THBD: variants seen among roughly 807,000 people sequenced by gnomAD.
THBD encodes the protein thrombomodulin.
For missense variants in THBD, 850 were observed against 816.9 expected (o/e 1.04, Z -0.49); for synonymous variants, 449 against 374.2 (o/e 1.20, Z -2.31).
At position 23,048,037 on chromosome 20, in the gene THBD, T is replaced by TGTCGCCACC; in HGVS notation, c.1459_1467dup (p.Gly487_Asp489dup). On this transcript the variant is annotated inframe_insertion, in exon 1 of 1. Transcript: ENST00000377103. Reference sequence around the variant, plus strand: ...CTGGGCGGGGGCTCGCCAGAGCCGCTGTCGCCACCGTCCACCTTGCCGGAG... The same window carrying TGTCGCCACC: ...CTGGGCGGGGGCTCGCCAGAGCCGCTGTCGCCACCGTCGCCACCGTCCACCTTGCCGGAG... 6.2e-7 allele frequency: 1 copy of TGTCGCCACC among 1,611,554 alleles called. No homozygotes were observed. Among genetic ancestry groups the TGTCGCCACC allele is most frequent in the African/African-American group, 1.3e-5 (1 of 75,026 alleles).
chr20:23,049,509 C>T lies in THBD; in HGVS notation c.-5G>A. The T allele has an allele frequency of 7.8e-6, 12 of 1,531,372 alleles. No individual in the cohort carries two copies. Among genetic ancestry groups the T allele is most frequent in the Non-Finnish European group, 9.7e-6 (11 of 1,137,744 alleles). The allele number at this position is 1,531,372 out of a possible 1,614,324, so 94.9% of individuals were successfully genotyped here. A position where few individuals can be genotyped will look rare whatever the true frequency, so the allele number is the denominator to read the frequency against. Reference sequence around the variant, plus strand: ...AAGGACCAGGACCCCAAGCATGTTACCCAGGCGCGCCGCGTGCAGGCGCCG... The same window carrying T: ...AAGGACCAGGACCCCAAGCATGTTATCCAGGCGCGCCGCGTGCAGGCGCCG... On this transcript the variant is annotated 5_prime_UTR_variant, in exon 1 of 1. Transcript: ENST00000377103.
In THBD at chr20:23,049,513, G is replaced by T; in HGVS notation, c.-9C>A. On this transcript the variant is annotated 5_prime_UTR_variant, in exon 1 of 1. The change creates a new upstream start codon in the 5' untranslated region. Coordinates refer to ENST00000377103, the MANE Select transcript of THBD (RefSeq NM_000361.3). ...ACCAGGACCCCAAGCATGTTACCCA[G>T]GCGCGCCGCGTGCAGGCGCCGGGGA... 6.5e-7 allele frequency: 1 copy of T among 1,532,024 alleles called. No individual in the cohort carries two copies. Among genetic ancestry groups the T allele is most frequent in the East Asian group, 2.5e-5 (1 of 39,900 alleles). The allele number at this position is 1,532,024 out of a possible 1,614,324, so 94.9% of individuals were successfully genotyped here.
At position 23,047,732 on chromosome 20, in the gene THBD, A is replaced by G; in HGVS notation, c.*45T>C. 6.5e-7 allele frequency: 1 copy of G among 1,535,204 alleles called. No individual in the cohort carries two copies. Among genetic ancestry groups the G allele is most frequent in the Non-Finnish European group, 8.8e-7 (1 of 1,139,744 alleles). On this transcript the variant is annotated 3_prime_UTR_variant, in exon 1 of 1. Coordinates refer to ENST00000377103, the MANE Select transcript of THBD (RefSeq NM_000361.3). Reference sequence around the variant, plus strand: ...TTTGGTAGCAAAGCTGGGGGTGAGGAGGCACAGGCTCCTGGACGGAGCCAG... The same window carrying G: ...TTTGGTAGCAAAGCTGGGGGTGAGGGGGCACAGGCTCCTGGACGGAGCCAG...
chr20:23,049,542 C>T lies in THBD; in HGVS notation c.-38G>A, dbSNP rs750724405. Reference sequence around the variant, plus strand: ...CGCCGCGTGCAGGCGCCGGGGAAAGCGCGGGCACTGCGACAGGGCCGTGCC... The same window carrying T: ...CGCCGCGTGCAGGCGCCGGGGAAAGTGCGGGCACTGCGACAGGGCCGTGCC... On this transcript the variant is annotated 5_prime_UTR_variant, in exon 1 of 1. Transcript: ENST00000377103. The T allele has an allele frequency of 1.0e-5, 16 of 1,534,930 alleles. No homozygotes were observed. The highest frequency in any genetic ancestry group is 1.4e-5 in the African/African-American group (1 of 71,656).
In THBD at chr20:23,048,298, T is replaced by C; in HGVS notation, c.1207A>G (p.Arg403Gly). 1 of 1,613,952 alleles carries C rather than the reference T, an allele frequency of 6.2e-7. No individual in the cohort carries two copies. The highest frequency in any genetic ancestry group is 8.5e-7 in the Non-Finnish European group (1 of 1,180,036). ...GFAPIPHEPHRCQMFCNQTAC... is the reference protein window; with the variant it reads ...GFAPIPHEPHGCQMFCNQTAC... The stretch of plus-strand genomic sequence containing the variant: ...GTCTGGTTGCAAAACATCTGGCACC[T>C]GTGCGGCTCGTGGGGAATGGGCGCG... The change falls in exon 1 of 1, where the codon AGG (arginine) becomes GGG (glycine). Residue 403 changes from arginine (R) to glycine (G), a missense_variant. Transcript: ENST00000377103.
rs1422911868 is a variant in THBD at position 23,047,592 on chromosome 20, C to G, written c.*185G>C. ...GGTCCAGTGACGTCACGGAAGAGGC[C>G]GAGGCTCATTCTCCTCCCTCTAATC... On this transcript the variant is annotated 3_prime_UTR_variant, in exon 1 of 1. Transcript: ENST00000377103. 3 of 707,372 alleles carry G rather than the reference C, an allele frequency of 4.2e-6. No individual in the cohort carries two copies. Among genetic ancestry groups the G allele is most frequent in the Non-Finnish European group, 6.9e-6 (3 of 435,472 alleles). The allele number at this position is 707,372 out of a possible 1,614,324, so 43.8% of individuals were successfully genotyped here.
Position 23,049,064 on chromosome 20 carries a change from C to T in THBD, c.441G>A (p.Val147=), listed in dbSNP as rs765008378. The T allele has an allele frequency of 1.3e-6, 2 of 1,568,146 alleles. No individual in the cohort carries two copies. Among genetic ancestry groups the T allele is most frequent in the South Asian group, 1.2e-5 (1 of 85,830 alleles). Residue 147 remains valine, a synonymous_variant, in exon 1 of 1, where the codon GTG becomes GTA. Transcript: ENST00000377103. The part of the protein sequence containing the change: ...CVAVSAAEAT[V]PSEPIWEEQQ... ...GCTCCTCCCAGATCGGCTCGCTGGG[C>T]ACAGTGGCCTCAGCAGCGGAGACAG...
At position 23,046,549 on chromosome 20, in the gene THBD, G is replaced by A. The variant is rs964494422; in HGVS notation, c.*1228C>T. On this transcript the variant is annotated 3_prime_UTR_variant, in exon 1 of 1. Coordinates refer to ENST00000377103, the MANE Select transcript of THBD (RefSeq NM_000361.3). Reference sequence around the variant, plus strand: ...TTGTTCAGGGGCCACATTCCAAAAGGCCTCTCTGAAATGGTAGAAATTCTC... The same window carrying A: ...TTGTTCAGGGGCCACATTCCAAAAGACCTCTCTGAAATGGTAGAAATTCTC... The A allele has an allele frequency of 1.3e-5, 2 of 152,182 alleles. No homozygotes were observed. The highest frequency in any genetic ancestry group is 1.3e-4 in the Admixed American group (2 of 15,272). 9.4% of individuals were successfully genotyped at this position (152,182 alleles called of 1,614,324 possible).
rs763407520 is a variant in THBD at position 23,048,415 on chromosome 20, C to T, written c.1090G>A (p.Glu364Lys). Residue 364 changes from glutamate to lysine, a missense_variant, in exon 1 of 1, where the codon GAG becomes AAG. Physicochemically the swap from Glu to Lys is moderately conservative, Grantham distance 56. Coordinates refer to ENST00000377103, the MANE Select transcript of THBD (RefSeq NM_000361.3). ...GCTCTGAAGCACGGGTCCACGGGCT[C>T]CACACACTCGCCGTCCACCAGGTCG... ...NYDLVDGECVEPVDPCFRANC... is the reference protein window; with the variant it reads ...NYDLVDGECVKPVDPCFRANC... 25 of 1,614,000 alleles carry T rather than the reference C, an allele frequency of 1.5e-5. No individual in the cohort carries two copies. Among genetic ancestry groups the T allele is most frequent in the Non-Finnish European group, 2.1e-5 (25 of 1,180,038 alleles).
In THBD at chr20:23,046,205, G is replaced by A. The variant is rs1333649432; in HGVS notation, c.*1572C>T. On this transcript the variant is annotated 3_prime_UTR_variant, in exon 1 of 1. Transcript: ENST00000377103. ...GCAGGATTTCATTCCTAGCTTAGCT[G>A]AACCAAAGACCTTGCAGACCCTGTG... 6.6e-6 allele frequency: 1 copy of A among 152,590 alleles called. No individual in the cohort carries two copies. Among genetic ancestry groups the A allele is most frequent in the Non-Finnish European group, 1.5e-5 (1 of 68,038 alleles). The allele number at this position is 152,590 out of a possible 1,614,324, so 9.5% of individuals were successfully genotyped here.
In THBD at chr20:23,049,459, C is replaced by T. The variant is rs1316404793; in HGVS notation, c.46G>A (p.Gly16Arg). The T allele has an allele frequency of 6.5e-7, 1 of 1,549,974 alleles. No individual in the cohort carries two copies. The highest frequency in any genetic ancestry group is 2.4e-5 in the East Asian group (1 of 41,314). Reference sequence around the variant, plus strand: ...TGCGGCTCTGCGGGTGCGGGGAACCCCAGGCCGGCCAGGGCCAGCGCGCCA... The same window carrying T: ...TGCGGCTCTGCGGGTGCGGGGAACCTCAGGCCGGCCAGGGCCAGCGCGCCA... Reference protein sequence around the residue: ...VLGALALAGLGFPAPAEPQPG... With the variant: ...VLGALALAGLRFPAPAEPQPG... The change falls in exon 1 of 1, where the codon GGG becomes AGG. Residue 16 changes from glycine to arginine, a missense_variant. Transcript: ENST00000377103.
At position 23,048,653 on chromosome 20, in the gene THBD, C is replaced by T. The variant is rs772538825; in HGVS notation, c.852G>A (p.Ala284=). The T allele has an allele frequency of 1.3e-6, 2 of 1,593,366 alleles. No homozygotes were observed. The highest frequency in any genetic ancestry group is 3.4e-5 in the Admixed American group (2 of 59,412). Residue 284 remains alanine, a synonymous_variant, in exon 1 of 1, where the codon GCG becomes GCA. Transcript: ENST00000377103. ...CGCAGAGGTCGTTGCAGGACTGCGT[C>T]GCGGATGCGGTGCAGGAGCGCCCGT... ...QADGRSCTAS[A]TQSCNDLCEH...
At position 23,048,001 on chromosome 20, in the gene THBD, C is replaced by A; in HGVS notation, c.1504G>T (p.Gly502Cys). ...SGEPPPSPTP[G>C]STLTPPAVGL... ...ACGGCCGGAGGAGTCAAGGTGGAGC[C>A]GGGCGTCGGGCTGGGCGGGGGCTCG... The change falls in exon 1 of 1, where the codon GGC becomes TGC. Residue 502 changes from glycine to cysteine, a missense_variant. Gly to Cys is a radical substitution (Grantham distance 159, BLOSUM62 -3). Transcript: ENST00000377103. 2 of 1,608,114 alleles carry A rather than the reference C, an allele frequency of 1.2e-6. No individual in the cohort carries two copies. The highest frequency in any genetic ancestry group is 1.7e-6 in the Non-Finnish European group (2 of 1,177,594).
Position 23,049,042 on chromosome 20 carries a change from C to T in THBD, c.463G>A (p.Glu155Lys). ...TCGGCCTTCACTTCGCACTGCTGCT[C>T]CTCCCAGATCGGCTCGCTGGGCACA... The part of the protein sequence containing the change: ...ATVPSEPIWE[E>K]QQCEVKADGF... Residue 155 changes from glutamate (E) to lysine (K), a missense_variant, in exon 1 of 1, where the codon GAG becomes AAG. By Grantham distance (56) the Glu-to-Lys change is moderately conservative. Transcript: ENST00000377103. 6.3e-7 allele frequency: 1 copy of T among 1,576,492 alleles called. No individual in the cohort carries two copies. Among genetic ancestry groups the T allele is most frequent in the Non-Finnish European group, 8.6e-7 (1 of 1,159,460 alleles).
chr20:23,047,655 G>A lies in THBD; in HGVS notation c.*122C>T. Reference sequence around the variant, plus strand: ...GTTAGCCATGGAATAGAAGAAAACAGCTTGGGGGGTGCGGGGAGGGTCTTC... The same window carrying A: ...GTTAGCCATGGAATAGAAGAAAACAACTTGGGGGGTGCGGGGAGGGTCTTC... On this transcript the variant is annotated 3_prime_UTR_variant, in exon 1 of 1. Coordinates refer to ENST00000377103, the MANE Select transcript of THBD (RefSeq NM_000361.3). The A allele has an allele frequency of 8.1e-7, 1 of 1,233,466 alleles. No individual in the cohort carries two copies. The highest frequency in any genetic ancestry group is 1.1e-6 in the Non-Finnish European group (1 of 902,184). 76.4% of individuals were successfully genotyped at this position (1,233,466 alleles called of 1,614,324 possible).
In THBD at chr20:23,048,367, G is replaced by A. The variant is rs1427060777; in HGVS notation, c.1138C>T (p.Pro380Ser). 1.9e-6 allele frequency: 3 copies of A among 1,613,874 alleles called. No homozygotes were observed. The highest frequency in any genetic ancestry group is 2.2e-5 in the South Asian group (2 of 91,088). ...FRANCEYQCQ[P>S]LNQTSYLCVC... is the part of the protein sequence containing the mutation. ...CAGAGGTAGCTAGTTTGGTTCAGGG[G>A]CTGGCACTGGTACTCGCAGTTGGCT... The change falls in exon 1 of 1, where the codon CCC becomes TCC. Residue 380 changes from proline to serine, a missense_variant. Transcript: ENST00000377103.
chr20:23,049,662 G>T lies in THBD; in HGVS notation c.-158C>A. The T allele has an allele frequency of 1.0e-6, 1 of 992,042 alleles. No individual in the cohort carries two copies. Among genetic ancestry groups the T allele is most frequent in the Non-Finnish European group, 1.5e-6 (1 of 652,092 alleles). The allele number at this position is 992,042 out of a possible 1,614,324, so 61.5% of individuals were successfully genotyped here. On this transcript the variant is annotated 5_prime_UTR_variant, in exon 1 of 1. In the 5' UTR this introduces an upstream ATG that the reference lacks. Coordinates refer to ENST00000377103, the MANE Select transcript of THBD (RefSeq NM_000361.3). ...CGCTGCGCGCAGCCCCTGCGAGGCA[G>T]CCTCTGACATGCGGATCGGCCAGGG...
At position 23,048,078 on chromosome 20, in the gene THBD, A is replaced by T; in HGVS notation, c.1427T>A (p.Ile476Asn). 1.2e-6 allele frequency: 2 copies of T among 1,612,748 alleles called. No individual in the cohort carries two copies. Among genetic ancestry groups the T allele is most frequent in the South Asian group, 2.2e-5 (2 of 91,010 alleles). The change falls in exon 1 of 1, where the codon ATT becomes AAT. Residue 476 changes from isoleucine (I) to asparagine (N), a missense_variant. Transcript: ENST00000377103. The stretch of plus-strand genomic sequence containing the variant: ...CTTGCCGGAGTCACAGTCGGTGCCA[A>T]TGTGGCGGGCAAGGGCCGAGTCGGG... ...CGPDSALARH[I>N]GTDCDSGKVD... is the part of the protein sequence containing the mutation.
At position 23,047,709 on chromosome 20, in the gene THBD, T is replaced by C; in HGVS notation, c.*68A>G. The C allele has an allele frequency of 4.6e-6, 7 of 1,511,404 alleles. No individual in the cohort carries two copies. The highest frequency in any genetic ancestry group is 6.2e-6 in the Non-Finnish European group (7 of 1,126,486). The allele number at this position is 1,511,404 out of a possible 1,614,324, so 93.6% of individuals were successfully genotyped here. On this transcript the variant is annotated 3_prime_UTR_variant, in exon 1 of 1. Transcript: ENST00000377103. ...AGCTGTAATGCCAGCTAAGGTGCTT[T>C]GGTAGCAAAGCTGGGGGTGAGGAGG...
Sources: allele counts gnomAD v4.1 joint callset, GRCh38; gene constraint gnomAD v4.1.1; transcripts MANE v1.5; gene names NCBI Gene and HGNC (gene_info 2026-07-23, HGNC 2026-07-21).